TMEM108: variants seen among roughly 807,000 people sequenced by gnomAD.
TMEM108 encodes transmembrane protein 108, also known as cancer/testis antigen 124.
Under a neutral mutation model 35.1 loss-of-function variants are expected in TMEM108, and 12 were observed. The observed-to-expected ratio is 0.34, with a 90% CI of 0.22 to 0.55. The LOEUF (loss-of-function observed/expected upper bound fraction) is 0.55, where lower values mean the gene tolerates loss of function less well. TMEM108 is among the 20% of genes least tolerant of loss of function. The pLI is 0.89. For missense variants in TMEM108, 680 were observed against 753.3 expected, an observed-to-expected ratio of 0.90 and a Z score of 1.14; for synonymous variants, 287 against 308.6, an observed-to-expected ratio of 0.93 and a Z score of 0.73.
chr3:133,109,655 C>G (rs758493707), intron 2 of TMEM108, among the ~76,000 whole-genome samples: 33 of 152,108 alleles, frequency 2.2e-4, no homozygotes, highest in Non-Finnish European at 4.3e-4. Flanking sequence ...ATGAGTGTTC[C>G]TTTGTAACTG....
chr3:133,338,339 T>C (rs2071560455), intron 3 of TMEM108, among the ~76,000 whole-genome samples: 2 of 151,904 alleles, frequency 1.3e-5, no homozygotes, highest in African/African-American at 2.4e-5. Context: ...AAAATGAAGG[T>C]ACAGTACATC....
At chr3:133,184,749 A>G (rs2107807482) in intron 2 of TMEM108, among the ~76,000 whole-genome samples, 1 of 152,346 alleles carries the variant, frequency 6.6e-6, no homozygotes, top group Admixed American at 6.5e-5. Flanking sequence ...GTGTGGAGGC[A>G]TCCCAGAGAG....
chr3:133,120,571 T>C (rs961543554), intron 2 of TMEM108, among the ~76,000 whole-genome samples: 9 of 152,226 alleles, frequency 5.9e-5, no homozygotes, highest in Non-Finnish European at 5.9e-5. Context: ...ACAAAGCAGA[T>C]GCTCTGGGCA....
intron 2 of TMEM108, among the ~76,000 whole-genome samples, chr3:133,104,127 C>T (rs1161145628): frequency 6.6e-6 from 1 of 151,038 alleles, no homozygotes; most frequent in Non-Finnish European, 1.5e-5. Context: ...CATTTAACAA[C>T]TGTAACATGT....
intron 2 of TMEM108, among the ~76,000 whole-genome samples, chr3:133,200,648 A>C (rs950099933): frequency 1.3e-5 from 2 of 152,136 alleles, no homozygotes; most frequent in African/African-American, 2.4e-5. Flanking sequence ...TTGCCCACCC[A>C]ATCTGCTCTT....
chr3:133,041,617 A>G (rs954798051), intron 1 of TMEM108, among the ~76,000 whole-genome samples: 1 of 152,242 alleles, frequency 6.6e-6, no homozygotes, highest in African/African-American at 2.4e-5. Context: ...GGCTGTGATT[A>G]CATTGACTGT....
chr3:133,377,738 G>A (rs947099330), intron 3 of TMEM108, among the ~76,000 whole-genome samples: 4 of 152,250 alleles, frequency 2.6e-5, no homozygotes, highest in African/African-American at 9.6e-5. Flanking sequence ...ACCAGTACCA[G>A]TCTGTGGCCT....
chr3:133,379,787 G>C lies in TMEM108; in HGVS notation c.76G>C (p.Ala26Pro). ...GATCTTGGCACTGACCGAAGCGCTGGCATTTGCCATCCAGGAACCATCTCC... is the reference window on the plus strand; with the variant it reads ...GATCTTGGCACTGACCGAAGCGCTGCCATTTGCCATCCAGGAACCATCTCC... ...LLILALTEAL[A>P]FAIQEPSPRE... Residue 26 changes from alanine (A) to proline (P), a missense_variant, in exon 4 of 6, where the codon GCA (alanine) becomes CCA (proline). Ala to Pro is a conservative substitution (Grantham distance 27, BLOSUM62 -1). This residue lies in a region of TMEM108 where 49 missense variants were observed against 70.6 expected (regional missense o/e 0.69). Coordinates refer to ENST00000321871, the MANE Select transcript of TMEM108 (RefSeq NM_023943.4). 5.6e-6 allele frequency: 9 copies of C among 1,613,844 alleles called. No individual in the cohort carries two copies. Among genetic ancestry groups the C allele is most frequent in the Non-Finnish European group, 7.6e-6 (9 of 1,179,878 alleles).
intron 3 of TMEM108, among the ~76,000 whole-genome samples, chr3:133,375,185 G>A (rs2072798321): frequency 6.6e-6 from 1 of 152,206 alleles, no homozygotes; most frequent in Non-Finnish European, 1.5e-5. Flanking sequence ...GCCTTTGCCA[G>A]ATGCAAATGT....
chr3:133,358,426 T>C, intron 3 of TMEM108, among the ~76,000 whole-genome samples: 1 of 152,054 alleles, frequency 6.6e-6, no homozygotes, highest in East Asian at 1.9e-4. Flanking sequence ...CACCTTAGCC[T>C]CCCAAAGTCC....
intron 3 of TMEM108, among the ~76,000 whole-genome samples, chr3:133,347,860 C>T (rs1361405425): frequency 6.6e-6 from 1 of 151,842 alleles, no homozygotes; most frequent in Non-Finnish European, 1.5e-5. Flanking sequence ...AGAAAGAAAA[C>T]TATAAAGCCT....
At chr3:133,284,272 G>A (rs183984092) in intron 3 of TMEM108, among the ~76,000 whole-genome samples, 1 of 152,340 alleles carries the variant, frequency 6.6e-6, no homozygotes, top group Admixed American at 6.5e-5. Context: ...TGTCAGAGAG[G>A]TGGAATCATG....
intron 2 of TMEM108, among the ~76,000 whole-genome samples, chr3:133,118,834 G>C (rs1369971074): frequency 6.6e-6 from 1 of 152,132 alleles, no homozygotes; most frequent in African/African-American, 2.4e-5. Flanking sequence ...AAAGACGTAA[G>C]ATTATTTACT....
intron 3 of TMEM108, among the ~76,000 whole-genome samples, chr3:133,328,368 G>A (rs540998107): frequency 6.6e-5 from 10 of 152,296 alleles, no homozygotes; most frequent in South Asian, 4.1e-4. Flanking sequence ...TGTAAAAGTC[G>A]GGTTGGTGAG....
Position 133,381,067 on chromosome 3 carries a change from G to C in TMEM108, c.1356G>C (p.Glu452Asp). 1 of 1,614,218 alleles carries C rather than the reference G, an allele frequency of 6.2e-7. No individual in the cohort carries two copies. Among genetic ancestry groups the C allele is most frequent in the South Asian group, 1.1e-5 (1 of 91,088 alleles). Residue 452 changes from glutamate (E) to aspartate (D), a missense_variant, in exon 4 of 6, where the codon GAG becomes GAC. Physicochemically the swap from Glu to Asp is conservative, Grantham distance 45. Coordinates refer to ENST00000321871, the MANE Select transcript of TMEM108 (RefSeq NM_023943.4). Reference sequence around the variant, plus strand: ...CAGGGAACATCTCCCATGTGGCCGAGGGGGACAAACCGCAGCACAGAGCCA... The same window carrying C: ...CAGGGAACATCTCCCATGTGGCCGACGGGGACAAACCGCAGCACAGAGCCA... ...GTAGNISHVA[E>D]GDKPQHRATI...
intron 2 of TMEM108, among the ~76,000 whole-genome samples, chr3:133,164,249 A>C (rs1945003467): frequency 1.3e-5 from 2 of 152,182 alleles, no homozygotes; most frequent in South Asian, 4.1e-4. Context: ...AAGTCACAGC[A>C]AGGGTGATGG....
chr3:133,219,710 G>C (rs1284297831), intron 2 of TMEM108, among the ~76,000 whole-genome samples: 1 of 151,996 alleles, frequency 6.6e-6, no homozygotes, highest in Non-Finnish European at 1.5e-5. Flanking sequence ...TATTTCATGT[G>C]ATTTAGACCT....
chr3:133,332,082 G>GCACACACACA (rs66877804), intron 3 of TMEM108, among the ~76,000 whole-genome samples: 141 of 151,030 alleles, frequency 9.3e-4, no homozygotes, highest in African/African-American at 3.3e-3. Flanking sequence ...GTGCGCACGT[G>GCACACACACA]CACACACACA....
intron 2 of TMEM108, among the ~76,000 whole-genome samples, chr3:133,198,023 C>A (rs1945605032): frequency 6.6e-6 from 1 of 152,134 alleles, no homozygotes; most frequent in Non-Finnish European, 1.5e-5. Flanking sequence ...GGGATTAATG[C>A]AAATCCTGAG....
Sources: gnomAD v4.1 joint callset for allele counts (sites outside exome capture counted in the v4.1 genomes callset) on GRCh38, gnomAD v4.1.1 for gene constraint, gnomAD v4.1.1 regional missense constraint, MANE v1.5 for transcripts, NCBI Gene and HGNC (gene_info 2026-07-23, HGNC 2026-07-21) for gene names.